NR5A2: variants seen among roughly 807,000 people sequenced by gnomAD.
NR5A2 encodes the protein CYP7A promoter-binding factor.
NR5A2 carries 26 observed loss-of-function variants against 62.7 expected under a neutral mutation model. The observed-to-expected ratio is 0.41, with a 90% CI of 0.30 to 0.58. The LOEUF is 0.58. Among genes scored for constraint, NR5A2 ranks in the 20% least tolerant of loss-of-function variants. NR5A2 has a pLI of 0.22. For synonymous variants in NR5A2, 246 were observed against 241.7 expected, an observed-to-expected ratio of 1.02 and a Z score of -0.16; for missense variants, 541 against 669.1, an observed-to-expected ratio of 0.81 and a Z score of 2.11.
At chr1:200,152,623 C>T (rs1653182914) in intron 7 of NR5A2, among the ~76,000 whole-genome samples, 1 of 152,090 alleles carries the variant, frequency 6.6e-6, no homozygotes, top group Admixed American at 6.5e-5. Flanking sequence ...GATTTTTGGG[C>T]ATCTGTTTTG....
At chr1:200,109,579 T>A (rs1665843032) in intron 5 of NR5A2, among the ~76,000 whole-genome samples, 1 of 152,228 alleles carries the variant, frequency 6.6e-6, no homozygotes. Context: ...CACTGTGTCC[T>A]GAAATTGTGG....
At chr1:200,080,941 C>G (rs1348947371) in intron 5 of NR5A2, among the ~76,000 whole-genome samples, 1 of 152,178 alleles carries the variant, frequency 6.6e-6, no homozygotes, top group East Asian at 1.9e-4. Flanking sequence ...AATGATTACA[C>G]AGATGTCCTT....
intron 5 of NR5A2, among the ~76,000 whole-genome samples, chr1:200,075,833 A>G (rs1238543639): frequency 6.6e-6 from 1 of 152,142 alleles, no homozygotes; most frequent in Non-Finnish European, 1.5e-5. Flanking sequence ...AGAAAATGTG[A>G]AGCATGGTAG....
At chr1:200,129,115 T>C (rs1480704094) in intron 7 of NR5A2, among the ~76,000 whole-genome samples, 1 of 152,226 alleles carries the variant, frequency 6.6e-6, no homozygotes, top group East Asian at 1.9e-4. Flanking sequence ...TAAGGCAACA[T>C]GCAAATAGGG....
chr1:200,054,870 G>T (rs147655092), intron 5 of NR5A2, among the ~76,000 whole-genome samples: 42 of 151,612 alleles, frequency 2.8e-4, no homozygotes, highest in Non-Finnish European at 3.8e-4. Context: ...CCAATTTTAA[G>T]CTATATTCTT....
Position 200,174,320 on chromosome 1 carries a change from T to C in NR5A2, c.*110T>C. On this transcript the variant is annotated 3_prime_UTR_variant, in exon 8 of 8. Coordinates refer to ENST00000367362, the MANE Select transcript of NR5A2 (RefSeq NM_205860.3). Reference sequence around the variant, plus strand: ...TACTCTGAACTGCTCCAAGTAACGCTAATTAAAAACTTGCTTTAAAGATAT... The same window carrying C: ...TACTCTGAACTGCTCCAAGTAACGCCAATTAAAAACTTGCTTTAAAGATAT... 3 of 1,130,122 alleles carry C rather than the reference T, an allele frequency of 2.7e-6. No individual in the cohort carries two copies. Among genetic ancestry groups the C allele is most frequent in the Non-Finnish European group, 3.5e-6 (3 of 857,724 alleles). 70.0% of individuals were successfully genotyped at this position (1,130,122 alleles called of 1,614,324 possible).
At chr1:200,083,811 C>T (rs1304348618) in intron 5 of NR5A2, among the ~76,000 whole-genome samples, 1 of 151,658 alleles carries the variant, frequency 6.6e-6, no homozygotes, top group African/African-American at 2.4e-5. Context: ...TACTAAAATA[C>T]AACATTAGCC....
At chr1:200,064,177 C>T (rs1433036896) in intron 5 of NR5A2, among the ~76,000 whole-genome samples, 1 of 151,864 alleles carries the variant, frequency 6.6e-6, no homozygotes, top group Non-Finnish European at 1.5e-5. Context: ...CGAGAGCCGT[C>T]TTCACTTTAC....
intron 7 of NR5A2, among the ~76,000 whole-genome samples, chr1:200,139,962 C>T (rs758825362): frequency 3.9e-5 from 6 of 152,140 alleles, no homozygotes; most frequent in Admixed American, 1.3e-4. Flanking sequence ...CGATTGTAAT[C>T]GAGATTTATT....
intron 7 of NR5A2, among the ~76,000 whole-genome samples, chr1:200,156,571 G>C (rs1312566193): frequency 6.6e-6 from 1 of 151,884 alleles, no homozygotes; most frequent in Non-Finnish European, 1.5e-5. Context: ...GCTAATTTTT[G>C]TATTTTTAGT....
chr1:200,088,765 G>A (rs1664676125), intron 5 of NR5A2, among the ~76,000 whole-genome samples: 1 of 152,176 alleles, frequency 6.6e-6, no homozygotes, highest in Non-Finnish European at 1.5e-5. Context: ...TAGGACTGCA[G>A]TGCTAAAGCC....
intron 7 of NR5A2, among the ~76,000 whole-genome samples, chr1:200,163,512 C>A (rs1244475717): frequency 6.6e-6 from 1 of 150,736 alleles, no homozygotes; most frequent in Non-Finnish European, 1.5e-5. Flanking sequence ...GACAAGATCT[C>A]ACTCTGTTTC....
At chr1:200,034,597 C>CG (rs1382898156) in intron 1 of NR5A2, among the ~76,000 whole-genome samples, 21 of 52,158 alleles carry the variant, frequency 4.0e-4, no homozygotes, top group African/African-American at 5.5e-4. Flanking sequence ...GGAGGTTGCC[C>CG]GGGGGGGTGG....
At chr1:200,042,821 G>T (rs1361066730) in intron 2 of NR5A2, 1 of 985,458 alleles carries the variant, frequency 1.0e-6, no homozygotes, top group African/African-American at 1.7e-5. Context: ...TGCCCTTCCT[G>T]TGCATAGTTT....
At chr1:200,169,576 TC>T (rs1654076618) in intron 7 of NR5A2, among the ~76,000 whole-genome samples, 1 of 152,194 alleles carries the variant, frequency 6.6e-6, no homozygotes, top group Admixed American at 6.5e-5. Flanking sequence ...GGGTTTACTT[TC>T]CAATAAGGAT....
intron 1 of NR5A2, among the ~76,000 whole-genome samples, chr1:200,037,117 G>T (rs1403609197): frequency 6.6e-6 from 1 of 152,166 alleles, no homozygotes; most frequent in Non-Finnish European, 1.5e-5. Flanking sequence ...GGACCAAGAA[G>T]TCGCTAGTGT....
chr1:200,148,459 C>A (rs1051116367), intron 7 of NR5A2, among the ~76,000 whole-genome samples: 1 of 152,218 alleles, frequency 6.6e-6, no homozygotes, highest in Non-Finnish European at 1.5e-5. Flanking sequence ...AGGCAGCCCC[C>A]TCCTGGGGGT....
intron 5 of NR5A2, among the ~76,000 whole-genome samples, chr1:200,054,827 A>C (rs1405630934): frequency 2.0e-5 from 3 of 152,102 alleles, no homozygotes; most frequent in African/African-American, 7.2e-5. Context: ...TTCCCAATGC[A>C]GGCCTATAAT....
chr1:200,029,094 T>C (rs568198707), intron 1 of NR5A2: 12 of 446,452 alleles, frequency 2.7e-5, no homozygotes, highest in South Asian at 1.6e-4. Flanking sequence ...TTTCGCATCT[T>C]TTTCGTCGGG....
Sources: allele counts gnomAD v4.1 joint callset (sites outside exome capture counted in the v4.1 genomes callset), GRCh38; gene constraint gnomAD v4.1.1; transcripts MANE v1.5; gene names NCBI Gene and HGNC (gene_info 2026-07-23, HGNC 2026-07-21).